ZNF865: variants seen among roughly 807,000 people sequenced by gnomAD.
The protein encoded by ZNF865 is zinc finger protein 865.
For missense variants in ZNF865, 1,311 were observed against 1,593.4 expected, an observed-to-expected ratio of 0.82 and a Z score of 3.02; for synonymous variants, 763 against 750.8, an observed-to-expected ratio of 1.02 and a Z score of -0.27.
rs1205863963 is a variant in ZNF865 at position 55,614,872 on chromosome 19, C to G, written c.1254C>G (p.Asp418Glu). 7 of 1,511,906 alleles carry G rather than the reference C, an allele frequency of 4.6e-6. No homozygotes were observed. The South Asian group carries it at 7.4e-5, about 16-fold the overall frequency. 93.7% of individuals were successfully genotyped at this position (1,511,906 alleles called of 1,614,324 possible). ...GCATCTGCGGGAAGGCCTTCCGCGA[C>G]GCCTCCTACCTCCTCAAGCACCAGG... ...PCGICGKAFR[D>E]ASYLLKHQAA... Residue 418 changes from aspartate to glutamate, a missense_variant, in exon 2 of 2, where the codon GAC (aspartate) becomes GAG (glutamate). Physicochemically the swap from Asp to Glu is conservative, Grantham distance 45. Coordinates refer to ENST00000568956, the MANE Select transcript of ZNF865 (RefSeq NM_001195605.2). The surrounding 1 kb of genome is among the most constrained non-coding windows in gnomAD (Gnocchi z 8.0).
Position 55,614,567 on chromosome 19 carries a change from C to T in ZNF865, c.949C>T (p.Pro317Ser), listed in dbSNP as rs1600013802. The T allele has an allele frequency of 5.4e-6, 8 of 1,493,550 alleles. No homozygotes were observed. The highest frequency in any genetic ancestry group is 7.1e-6 in the Non-Finnish European group (8 of 1,128,360). 92.5% of individuals were successfully genotyped at this position (1,493,550 alleles called of 1,614,324 possible). A position where few individuals can be genotyped will look rare whatever the true frequency, so the allele number is the denominator to read the frequency against. Residue 317 changes from proline (P) to serine (S), a missense_variant, in exon 2 of 2, where the codon CCA becomes TCA. Coordinates refer to ENST00000568956, the MANE Select transcript of ZNF865 (RefSeq NM_001195605.2). The surrounding 1 kb of genome is among the most constrained non-coding windows in gnomAD (Gnocchi z 8.0). ...CCCCTCCACGGTGTCCTCGGGCCCT[C>T]CAGCCACGCCCGTGGCGCCTGCCCC... is the stretch of plus-strand genomic sequence containing the variant. Reference protein sequence around the residue: ...AAPSTVSSGPPATPVAPAPSA... With the variant: ...AAPSTVSSGPSATPVAPAPSA...
In ZNF865 at chr19:55,615,173, C is replaced by T; in HGVS notation, c.1555C>T (p.Pro519Ser). The T allele has an allele frequency of 2.9e-6, 4 of 1,375,942 alleles. No homozygotes were observed. The highest frequency in any genetic ancestry group is 2.8e-6 in the Non-Finnish European group (3 of 1,074,928). The allele number at this position is 1,375,942 out of a possible 1,614,324, so 85.2% of individuals were successfully genotyped here. A position where few individuals can be genotyped will look rare whatever the true frequency, so the allele number is the denominator to read the frequency against. ...AAAAVVYGAV[P>S]VPLLGAHPLL... ...GGCGGCGGTGGTGTACGGCGCTGTG[C>T]CCGTCCCGCTCCTGGGCGCCCACCC... Residue 519 changes from proline to serine, a missense_variant, in exon 2 of 2, where the codon CCC becomes TCC. Transcript: ENST00000568956.
Position 55,615,217 on chromosome 19 carries a change from G to C in ZNF865, c.1599G>C (p.Ala533=). The change falls in exon 2 of 2, where the codon GCG becomes GCC. Residue 533 remains alanine (A), a synonymous_variant. Transcript: ENST00000568956. The part of the protein sequence containing the change: ...LGAHPLLLGG[A]GTSGAGGSGA... ...CCCACCCGCTGCTGCTCGGCGGCGC[G>C]GGGACCAGCGGGGCGGGAGGCTCGG... is the stretch of plus-strand genomic sequence containing the variant. 3 of 1,476,516 alleles carry C rather than the reference G, an allele frequency of 2.0e-6. No homozygotes were observed. Among genetic ancestry groups the C allele is most frequent in the Middle Eastern group, 1.9e-4 (1 of 5,320 alleles). 91.5% of individuals were successfully genotyped at this position (1,476,516 alleles called of 1,614,324 possible). A position where few individuals can be genotyped will look rare whatever the true frequency, so the allele number is the denominator to read the frequency against.
rs188097226 is a variant in ZNF865, at chr19:55,611,449, G to A, written c.-26-2144G>A. Among the ~76,000 whole-genome samples the A allele has an allele frequency of 6.4e-4, 97 of 152,262 alleles. No homozygotes were observed. Among genetic ancestry groups the A allele is most frequent in the Non-Finnish European group, 1.1e-3 (73 of 68,018 alleles). On this transcript the variant is annotated intron_variant, in intron 1 of 1. Coordinates refer to ENST00000568956, the MANE Select transcript of ZNF865 (RefSeq NM_001195605.2). The surrounding 1 kb of genome is among the most constrained non-coding windows in gnomAD (Gnocchi z 4.5). ...CCTCCAGAGCTGTCTCCCCAACTTAGGTTCCACCTACAGCCTTCCAATTAC... is the reference window on the plus strand; with the variant it reads ...CCTCCAGAGCTGTCTCCCCAACTTAAGTTCCACCTACAGCCTTCCAATTAC...
intron 1 of ZNF865, chr19:55,612,683 G>A (rs310464): frequency 6.6e-6 from 1 of 152,210 alleles, no homozygotes; most frequent in Non-Finnish European, 1.5e-5. Flanking sequence ...TTCTATGTAC[G>A]GAGTGCTTAC....
intron 1 of ZNF865, among the ~76,000 whole-genome samples, chr19:55,607,987 T>C (rs1981002017): frequency 6.6e-6 from 1 of 152,198 alleles, no homozygotes; most frequent in Non-Finnish European, 1.5e-5. Context: ...GCCGATCATC[T>C]GGATGGGGAG....
rs1441208016 is a variant in ZNF865, at chr19:55,616,084, C to T, written c.2466C>T (p.Cys822=). 2 of 1,493,366 alleles carry T rather than the reference C, an allele frequency of 1.3e-6. No homozygotes were observed. Among genetic ancestry groups the T allele is most frequent in the South Asian group, 1.3e-5 (1 of 79,142 alleles). 92.5% of individuals were successfully genotyped at this position (1,493,366 alleles called of 1,614,324 possible). Residue 822 remains cysteine (C), a synonymous_variant, in exon 2 of 2, where the codon TGC becomes TGT. Transcript: ENST00000568956. ...ACCTGGTGCGACGGACCCTGGGCTG[C>T]GGCCTCTGCGGCCAGAGCTTCGCGG... The part of the protein sequence containing the change: ...YVHLVRRTLG[C]GLCGQSFAGA...
chr19:55,605,902 C>T (rs1980921420), intron 1 of ZNF865, among the ~76,000 whole-genome samples, 170 bp downstream of exon 1: 1 of 152,132 alleles, frequency 6.6e-6, no homozygotes, highest in African/African-American at 2.4e-5. Context: ...AGGATCACTG[C>T]AGATAGCTCC....
chr19:55,616,878 C>T lies in ZNF865; in HGVS notation c.*80C>T. On this transcript the variant is annotated 3_prime_UTR_variant, in exon 2 of 2. Coordinates refer to ENST00000568956, the MANE Select transcript of ZNF865 (RefSeq NM_001195605.2). Reference sequence around the variant, plus strand: ...CCAGGACTGATCAGACTCTTCCCCCCTCCTCGCTGTTGCCCCATCCTTCAG... The same window carrying T: ...CCAGGACTGATCAGACTCTTCCCCCTTCCTCGCTGTTGCCCCATCCTTCAG... 3 of 1,355,806 alleles carry T rather than the reference C, an allele frequency of 2.2e-6. No individual in the cohort carries two copies. The South Asian group carries it at 4.9e-5, about 22-fold the overall frequency. 84.0% of individuals were successfully genotyped at this position (1,355,806 alleles called of 1,614,324 possible). A position where few individuals can be genotyped will look rare whatever the true frequency, so the allele number is the denominator to read the frequency against.
rs762894169 is a variant in ZNF865, at chr19:55,613,894, C to CTCCTCG, written c.294_299dup (p.Ser116_Ser117dup). 408 of 1,515,204 alleles carry CTCCTCG rather than the reference C, an allele frequency of 2.7e-4. 1 individual carries two copies. The highest frequency in any genetic ancestry group is 3.1e-4 in the Non-Finnish European group (352 of 1,129,664). 93.9% of individuals were successfully genotyped at this position (1,515,204 alleles called of 1,614,324 possible). A position where few individuals can be genotyped will look rare whatever the true frequency, so the allele number is the denominator to read the frequency against. ...CCTTCAAGCCCAAGGCGGAGGTGCCCTCCTCGTCCTCGTCCTCGTCCTCCT... is the reference window on the plus strand; with the variant it reads ...CCTTCAAGCCCAAGGCGGAGGTGCCCTCCTCGTCCTCGTCCTCGTCCTCGTCCTCCT... On this transcript the variant is annotated inframe_insertion, in exon 2 of 2. Coordinates refer to ENST00000568956, the MANE Select transcript of ZNF865 (RefSeq NM_001195605.2).
At chr19:55,609,588 G>C (rs995353109) in intron 1 of ZNF865, among the ~76,000 whole-genome samples, 2 of 152,228 alleles carry the variant, frequency 1.3e-5, no homozygotes, top group South Asian at 4.1e-4. Context: ...CCTGGAATCA[G>C]TTACCTGCTT....
At chr19:55,609,504 T>C (rs937101845) in intron 1 of ZNF865, among the ~76,000 whole-genome samples, 2 of 152,172 alleles carry the variant, frequency 1.3e-5, no homozygotes, top group Admixed American at 1.3e-4. Context: ...CGTTACTCTT[T>C]ATTAACAAAC....
At chr19:55,607,733 C>T (rs1980993723) in intron 1 of ZNF865, among the ~76,000 whole-genome samples, 1 of 152,172 alleles carries the variant, frequency 6.6e-6, no homozygotes, top group African/African-American at 2.4e-5. Context: ...TAAAAATTCC[C>T]CTTCTCCTGG....
chr19:55,614,028 T>C lies in ZNF865; in HGVS notation c.410T>C (p.Leu137Pro). ...PPAFGAPPPPLFDAAFPTPQW... is the reference protein window; with the variant it reads ...PPAFGAPPPPPFDAAFPTPQW... ...GCCTTCGGGGCGCCCCCTCCTCCCC[T>C]CTTTGACGCTGCTTTCCCCACTCCG... The change falls in exon 2 of 2, where the codon CTC becomes CCC. Residue 137 changes from leucine (L) to proline (P), a missense_variant. Physicochemically the swap from Leu to Pro is moderately conservative, Grantham distance 98 (BLOSUM62 -3). Coordinates refer to ENST00000568956, the MANE Select transcript of ZNF865 (RefSeq NM_001195605.2). The surrounding 1 kb of genome is among the most constrained non-coding windows in gnomAD (Gnocchi z 8.0). The C allele has an allele frequency of 2.7e-6, 4 of 1,491,150 alleles. No homozygotes were observed. The South Asian group carries it at 3.9e-5, about 15-fold the overall frequency. The allele number at this position is 1,491,150 out of a possible 1,614,324, so 92.4% of individuals were successfully genotyped here. A position where few individuals can be genotyped will look rare whatever the true frequency, so the allele number is the denominator to read the frequency against.
chr19:55,610,962 C>T (rs148542565), intron 1 of ZNF865, among the ~76,000 whole-genome samples: 148 of 152,236 alleles, frequency 9.7e-4, no homozygotes, highest in African/African-American at 3.5e-3. Context: ...TATAGACACC[C>T]CTCATAACCC....
chr19:55,615,878 G>A lies in ZNF865; in HGVS notation c.2260G>A (p.Ala754Thr), dbSNP rs748891408. 4.1e-5 allele frequency: 60 copies of A among 1,478,892 alleles called. No individual in the cohort carries two copies. The highest frequency in any genetic ancestry group is 9.8e-6 in the Non-Finnish European group (11 of 1,122,556). 91.6% of individuals were successfully genotyped at this position (1,478,892 alleles called of 1,614,324 possible). ...GGCCAGCGTGCTGGACAACGGGCTGGCGGGGGAGGTGGGGGCGGCCGTGGC... is the reference window on the plus strand; with the variant it reads ...GGCCAGCGTGCTGGACAACGGGCTGACGGGGGAGGTGGGGGCGGCCGTGGC... ...DAASVLDNGL[A>T]GEVGAAVAAL... Residue 754 changes from alanine to threonine, a missense_variant, in exon 2 of 2, where the codon GCG becomes ACG. By Grantham distance (58) the Ala-to-Thr change is moderately conservative. Transcript: ENST00000568956.
Position 55,611,672 on chromosome 19 carries a change from G to A in ZNF865, c.-26-1921G>A, listed in dbSNP as rs1049408585. Among the ~76,000 whole-genome samples, 3 of 152,136 alleles carry A rather than the reference G, an allele frequency of 2.0e-5. No homozygotes were observed. Among genetic ancestry groups the A allele is most frequent in the Non-Finnish European group, 2.9e-5 (2 of 68,028 alleles). On this transcript the variant is annotated intron_variant, in intron 1 of 1. Coordinates refer to ENST00000568956, the MANE Select transcript of ZNF865 (RefSeq NM_001195605.2). This position sits in a 1 kb window ranked among gnomAD's most constrained non-coding sequence, Gnocchi z 4.5. ...CTGTGGGAGGAGAGAGCAGCCCGAT[G>A]GATAGAGGATAAAGGGTCCAGGCCT...
rs1398106241 is a variant in ZNF865 at position 55,614,921 on chromosome 19, G to C, written c.1303G>C (p.Gly435Arg). ...GGCGGCCCACGCGGGGGCGGGCGCC[G>C]GGGGGCCTCGGCCCGTGTACCCCTG... ...HQAAHAGAGA[G>R]GPRPVYPCDL... Residue 435 changes from glycine to arginine, a missense_variant, in exon 2 of 2, where the codon GGG becomes CGG. Gly to Arg is a moderately radical substitution (Grantham distance 125, BLOSUM62 -2). Coordinates refer to ENST00000568956, the MANE Select transcript of ZNF865 (RefSeq NM_001195605.2). This position sits in a 1 kb window ranked among gnomAD's most constrained non-coding sequence, Gnocchi z 8.0. 6.7e-7 allele frequency: 1 copy of C among 1,483,338 alleles called. No homozygotes were observed. Among genetic ancestry groups the C allele is most frequent in the Non-Finnish European group, 8.9e-7 (1 of 1,122,390 alleles). 91.9% of individuals were successfully genotyped at this position (1,483,338 alleles called of 1,614,324 possible).
chr19:55,612,233 G>A (rs1012092886), intron 1 of ZNF865, among the ~76,000 whole-genome samples: 5 of 152,172 alleles, frequency 3.3e-5, no homozygotes, highest in Admixed American at 3.3e-4. Context: ...CATGGAGAAA[G>A]TGTGGATCCC....
Sources: gnomAD v4.1 joint callset for allele counts (sites outside exome capture counted in the v4.1 genomes callset) on GRCh38, gnomAD v4.1.1 for gene constraint, Gnocchi (gnomAD v3.1) non-coding constraint, MANE v1.5 for transcripts, NCBI Gene and HGNC (gene_info 2026-07-23, HGNC 2026-07-21) for gene names.